Variants in FBXL7 observed in about 807,000 individuals in gnomAD.
FBXL7 encodes the protein F-box and leucine rich repeat protein 7, also known as F-box/LRR-repeat protein 7.
A neutral mutation model predicts 38.3 loss-of-function variants in FBXL7; 12 were observed. The observed-to-expected ratio is 0.31, with a 90% CI of 0.20 to 0.51. The LOEUF (loss-of-function observed/expected upper bound fraction) is 0.51. FBXL7 is among the 20% of genes least tolerant of loss of function. The probability of loss-of-function intolerance (pLI) is 0.98; values close to 1 mark genes in which losing one functional copy is unlikely to be tolerated. For synonymous variants in FBXL7, 297 were observed against 300.9 expected (o/e 0.99, Z 0.13); for missense variants, 567 against 676.4 (o/e 0.84, Z 1.79).
intron 2 of FBXL7, among the ~76,000 whole-genome samples, chr5:15,728,789 CT>C (rs1414011405): frequency 1.3e-5 from 2 of 152,100 alleles, no homozygotes; most frequent in East Asian, 3.8e-4. Flanking sequence ...CTGATAATTA[CT>C]TTTTCCTTCT....
chr5:15,569,027 G>A (rs1227322715), intron 1 of FBXL7, among the ~76,000 whole-genome samples: 2 of 152,144 alleles, frequency 1.3e-5, no homozygotes, highest in African/African-American at 4.8e-5. Flanking sequence ...GTAGCGTGAT[G>A]CCTCCAGCTT....
chr5:15,741,579 A>G (rs1434573369), intron 2 of FBXL7, among the ~76,000 whole-genome samples: 1 of 152,184 alleles, frequency 6.6e-6, no homozygotes, highest in Non-Finnish European at 1.5e-5. Flanking sequence ...TTCCCCAAAA[A>G]TGCTGCTCTT....
At chr5:15,832,819 G>T (rs1738492012) in intron 2 of FBXL7, among the ~76,000 whole-genome samples, 1 of 152,006 alleles carries the variant, frequency 6.6e-6, no homozygotes, top group Admixed American at 6.6e-5. Flanking sequence ...GTGGCTTTTT[G>T]ATATGATTTG....
intron 2 of FBXL7, among the ~76,000 whole-genome samples, chr5:15,775,654 C>T (rs563018155): frequency 5.3e-5 from 8 of 152,146 alleles, no homozygotes; most frequent in African/African-American, 1.4e-4. Flanking sequence ...TTCACCAAAA[C>T]CAGTGATTAC....
intron 2 of FBXL7, among the ~76,000 whole-genome samples, chr5:15,875,920 A>G (rs928078594): frequency 2.0e-5 from 3 of 152,242 alleles, no homozygotes; most frequent in Non-Finnish European, 4.4e-5. Flanking sequence ...CCAAAGGATT[A>G]TAAATCATTC....
chr5:15,558,989 C>T (rs1738330923), intron 1 of FBXL7, among the ~76,000 whole-genome samples: 1 of 152,148 alleles, frequency 6.6e-6, no homozygotes, highest in African/African-American at 2.4e-5. Flanking sequence ...TGAATTAATA[C>T]AAGTAATGTA....
intron 2 of FBXL7, among the ~76,000 whole-genome samples, chr5:15,638,624 C>T (rs1001316374): frequency 3.3e-5 from 5 of 151,310 alleles, no homozygotes; most frequent in Non-Finnish European, 4.4e-5. Flanking sequence ...GGGGAGGGAG[C>T]GGGTAGGTAG....
intron 3 of FBXL7, chr5:15,935,267 G>C: frequency 1.9e-6 from 1 of 534,268 alleles, no homozygotes; most frequent in Non-Finnish European, 3.8e-6. Flanking sequence ...ACAGGGGCAA[G>C]CTTCGAGTTC....
intron 2 of FBXL7, among the ~76,000 whole-genome samples, chr5:15,644,416 G>A (rs557346433): frequency 6.6e-6 from 1 of 151,756 alleles, no homozygotes; most frequent in South Asian, 2.1e-4. Flanking sequence ...CAGAGGTTGC[G>A]GTGAGCCGAG....
intron 2 of FBXL7, among the ~76,000 whole-genome samples, chr5:15,640,597 C>T (rs1330899188): frequency 1.3e-5 from 2 of 151,086 alleles, no homozygotes; most frequent in African/African-American, 4.9e-5. Context: ...AATCTGGGCT[C>T]ACTGCATCCT....
intron 1 of FBXL7, among the ~76,000 whole-genome samples, chr5:15,501,900 G>T: frequency 6.8e-6 from 1 of 146,566 alleles, no homozygotes; most frequent in Non-Finnish European, 1.5e-5. Flanking sequence ...GTGTATCTAT[G>T]TATATTTCCT....
intron 2 of FBXL7, among the ~76,000 whole-genome samples, chr5:15,814,346 A>G (rs571844984): frequency 6.6e-6 from 1 of 152,272 alleles, no homozygotes; most frequent in African/African-American, 2.4e-5. Context: ...CAAACACTGC[A>G]TGTTCTCACT....
intron 1 of FBXL7, among the ~76,000 whole-genome samples, chr5:15,588,248 G>A (rs762208728): frequency 6.6e-5 from 10 of 152,114 alleles, no homozygotes; most frequent in Non-Finnish European, 1.5e-4. Flanking sequence ...CATGAATGCT[G>A]TTATTCCCAA....
intron 2 of FBXL7, among the ~76,000 whole-genome samples, chr5:15,635,575 G>T (rs975856009): frequency 1.3e-5 from 2 of 152,170 alleles, no homozygotes; most frequent in African/African-American, 4.8e-5. Flanking sequence ...TGGATGGGTG[G>T]GGCAGGAGTC....
At chr5:15,792,469 C>T (rs796675626) in intron 2 of FBXL7, among the ~76,000 whole-genome samples, 3 of 152,238 alleles carry the variant, frequency 2.0e-5, no homozygotes, top group South Asian at 2.1e-4. Context: ...AATGTCTGAA[C>T]GTCAAGCAGT....
At chr5:15,534,123 C>G (rs1203624916) in intron 1 of FBXL7, among the ~76,000 whole-genome samples, 1 of 152,046 alleles carries the variant, frequency 6.6e-6, no homozygotes, top group Non-Finnish European at 1.5e-5. Flanking sequence ...CTGTTGACAC[C>G]CCCCCACCAG....
chr5:15,752,535 C>T (rs767871529), intron 2 of FBXL7, among the ~76,000 whole-genome samples: 4 of 152,006 alleles, frequency 2.6e-5, no homozygotes, highest in Non-Finnish European at 5.9e-5. Flanking sequence ...TATCCCAAGC[C>T]ATTGGATTTC....
intron 1 of FBXL7, among the ~76,000 whole-genome samples, chr5:15,601,234 C>T (rs1388726459): frequency 6.6e-6 from 1 of 152,188 alleles, no homozygotes; most frequent in Non-Finnish European, 1.5e-5. Flanking sequence ...TTTTATTATA[C>T]ATCCAGATTA....
At chr5:15,654,565 A>G (rs1226563996) in intron 2 of FBXL7, among the ~76,000 whole-genome samples, 1 of 152,134 alleles carries the variant, frequency 6.6e-6, no homozygotes, top group Non-Finnish European at 1.5e-5. Context: ...CTAATGGGTC[A>G]TTTTTGTCTC....
Sources: gnomAD v4.1 joint callset for allele counts (sites outside exome capture counted in the v4.1 genomes callset) on GRCh38, gnomAD v4.1.1 for gene constraint, MANE v1.5 for transcripts, NCBI Gene and HGNC (gene_info 2026-07-23, HGNC 2026-07-21) for gene names.